SCARA5: variants seen among roughly 807,000 people sequenced by gnomAD.
SCARA5 encodes the protein scavenger receptor class A member 5, also known as scavenger receptor class A, member 5 (putative).
In SCARA5, 45 loss-of-function variants were observed where a neutral mutation model predicts 46.3. That is an observed-to-expected ratio of 0.97 (90% CI 0.76 to 1.24). The LOEUF is 1.24. Among genes scored for constraint, SCARA5 ranks in the 50% most tolerant of loss-of-function variants. The pLI, the probability that SCARA5 is intolerant of heterozygous loss-of-function variation, is 0.00. For synonymous variants in SCARA5, 333 were observed against 306.5 expected (o/e 1.09, Z -0.90); for missense variants, 680 against 689.0 (o/e 0.99, Z 0.15).
intron 4 of SCARA5, among the ~76,000 whole-genome samples, chr8:27,913,173 TG>T (rs1229343700): frequency 1.3e-5 from 2 of 152,136 alleles, no homozygotes; most frequent in East Asian, 1.9e-4. Context: ...AGATGGATTT[TG>T]TTTTAAACAT....
chr8:27,950,879 G>GAAAAAAA (rs766482225), intron 3 of SCARA5, among the ~76,000 whole-genome samples: 30,762 of 139,792 alleles, frequency 0.22, 3,474 homozygotes, highest in Non-Finnish European at 0.26. Context: ...AGCTTTATGG[G>GAAAAAAA]AAAAAAAAAA....
chr8:27,957,525 A>G (rs187610888), intron 3 of SCARA5, among the ~76,000 whole-genome samples: 2 of 152,342 alleles, frequency 1.3e-5, no homozygotes, highest in East Asian at 3.9e-4. Context: ...AGCAATTGGC[A>G]AAGTCACGGT....
intron 8 of SCARA5, among the ~76,000 whole-genome samples, chr8:27,873,505 TCTC>T (rs1037743291): frequency 3.9e-5 from 6 of 152,002 alleles, no homozygotes; most frequent in Admixed American, 3.9e-4. Flanking sequence ...TGAAATTCCT[TCTC>T]CTGGCTCAAA....
chr8:27,943,402 G>T (rs1397856857), intron 3 of SCARA5, among the ~76,000 whole-genome samples: 1 of 152,192 alleles, frequency 6.6e-6, no homozygotes, highest in African/African-American at 2.4e-5. Flanking sequence ...CTGCACTCCA[G>T]CCTGGGTGAC....
chr8:27,966,314 AG>A (rs1808366581), intron 3 of SCARA5, 99 bp downstream of exon 3: 1 of 1,227,358 alleles, frequency 8.1e-7, no homozygotes, highest in Non-Finnish European at 1.1e-6. Context: ...CATGGTGACA[AG>A]GGCAGTGTTT....
intron 3 of SCARA5, among the ~76,000 whole-genome samples, chr8:27,932,068 T>C (rs1207564233): frequency 2.0e-5 from 3 of 152,156 alleles, no homozygotes; most frequent in African/African-American, 7.2e-5. Flanking sequence ...AACCTCAACT[T>C]TTCTGGGCTC....
chr8:27,957,702 T>G (rs966845834), intron 3 of SCARA5, among the ~76,000 whole-genome samples: 1 of 152,224 alleles, frequency 6.6e-6, no homozygotes, highest in Non-Finnish European at 1.5e-5. Context: ...GAGTAGGCAA[T>G]GCGTCTAAGT....
At chr8:27,892,117 A>T (rs1806993475) in intron 7 of SCARA5, among the ~76,000 whole-genome samples, 1 of 152,228 alleles carries the variant, frequency 6.6e-6, no homozygotes, top group Non-Finnish European at 1.5e-5. Context: ...CACACTGGGG[A>T]ATACGGAGAG....
intron 3 of SCARA5, among the ~76,000 whole-genome samples, chr8:27,941,632 T>A (rs1331038295): frequency 6.6e-6 from 1 of 151,946 alleles, no homozygotes; most frequent in Admixed American, 6.6e-5. Flanking sequence ...ATCCTTTCCA[T>A]GCACACCCTG....
At chr8:27,898,186 A>T (rs1412388532) in intron 7 of SCARA5, among the ~76,000 whole-genome samples, 1 of 152,260 alleles carries the variant, frequency 6.6e-6, no homozygotes, top group Non-Finnish European at 1.5e-5. Flanking sequence ...TCTTGAATGT[A>T]TGTGAAGCCA....
At chr8:27,923,895 T>C (rs1807640889) in intron 3 of SCARA5, among the ~76,000 whole-genome samples, 1 of 152,206 alleles carries the variant, frequency 6.6e-6, no homozygotes, top group African/African-American at 2.4e-5. Flanking sequence ...CTAGATCCTC[T>C]ATTTCCTCTT....
At chr8:27,985,943 A>G (rs1563202654) in intron 2 of SCARA5, among the ~76,000 whole-genome samples, 1 of 152,230 alleles carries the variant, frequency 6.6e-6, no homozygotes, top group African/African-American at 2.4e-5. Flanking sequence ...GGGGTTCAGA[A>G]AAAGGGAGAG....
At chr8:27,966,607 T>G in intron 2 of SCARA5, 65 bp from the exon 3 acceptor site, 1 of 1,510,662 alleles carries the variant, frequency 6.6e-7, no homozygotes. Flanking sequence ...GCTCTTTTCT[T>G]TTTTGGTCTC....
intron 3 of SCARA5, among the ~76,000 whole-genome samples, chr8:27,925,439 A>G (rs1368067307): frequency 6.6e-6 from 1 of 152,224 alleles, no homozygotes; most frequent in Non-Finnish European, 1.5e-5. Flanking sequence ...AGCCATATGT[A>G]GAAGGCTGAA....
At chr8:27,959,374 T>C (rs924514611) in intron 3 of SCARA5, among the ~76,000 whole-genome samples, 3 of 152,350 alleles carry the variant, frequency 2.0e-5, no homozygotes, top group Admixed American at 6.5e-5. Flanking sequence ...ACCTGGAGCC[T>C]GTTGGGAGGA....
intron 6 of SCARA5, among the ~76,000 whole-genome samples, chr8:27,906,297 G>A (rs546472912): frequency 5.9e-5 from 9 of 152,346 alleles, no homozygotes; most frequent in Middle Eastern, 3.4e-3. Context: ...ACGAGGCTTA[G>A]ACAATCTTGA....
chr8:27,886,748 C>T (rs75214766), intron 7 of SCARA5, among the ~76,000 whole-genome samples: 4,115 of 152,274 alleles, frequency 0.027, 209 homozygotes, highest in African/African-American at 0.094. Flanking sequence ...TGCTTTTTCC[C>T]GGCAGTTTCT....
intron 7 of SCARA5, among the ~76,000 whole-genome samples, chr8:27,898,867 A>G (rs981032988): frequency 7.0e-6 from 1 of 143,868 alleles, no homozygotes; most frequent in Non-Finnish European, 1.5e-5. Context: ...AAAAACCCAA[A>G]AGGACAGGGT....
chr8:27,969,415 C>T (rs548991622), intron 2 of SCARA5, among the ~76,000 whole-genome samples: 1 of 152,266 alleles, frequency 6.6e-6, no homozygotes, highest in African/African-American at 2.4e-5. Flanking sequence ...AAGCTACATA[C>T]CGTATGATTC....
Sources: gnomAD v4.1 joint callset for allele counts (sites outside exome capture counted in the v4.1 genomes callset) on GRCh38, gnomAD v4.1.1 for gene constraint, MANE v1.5 for transcripts, NCBI Gene and HGNC (gene_info 2026-07-23, HGNC 2026-07-21) for gene names.